CNTN3: variants seen among roughly 807,000 people sequenced by gnomAD.
CNTN3 encodes the protein contactin-3.
A neutral mutation model predicts 119.1 loss-of-function variants in CNTN3; 60 were observed. The ratio of observed to expected loss-of-function variants is 0.50; its 90% CI spans 0.41 to 0.62. The LOEUF (loss-of-function observed/expected upper bound fraction) is 0.62. CNTN3 is among the 20% of genes least tolerant of loss of function. The pLI, the probability that CNTN3 is intolerant of heterozygous loss-of-function variation, is 0.00. For missense variants in CNTN3, 1,101 were observed against 1,242.4 expected (o/e 0.89, Z 1.71); for synonymous variants, 450 against 438.7 (o/e 1.03, Z -0.32).
At chr3:74,265,938 CAT>C (rs950783096) in intron 22 of CNTN3, among the ~76,000 whole-genome samples, 10 of 152,086 alleles carry the variant, frequency 6.6e-5, no homozygotes, top group African/African-American at 2.2e-4. Context: ...CAACTCTAAA[CAT>C]ATAATTTCTA....
At chr3:74,386,566 C>G (rs1486100371) in intron 5 of CNTN3, among the ~76,000 whole-genome samples, 1 of 152,122 alleles carries the variant, frequency 6.6e-6, no homozygotes, top group Non-Finnish European at 1.5e-5. Flanking sequence ...ACAGAAAACA[C>G]ATACACAGAA....
chr3:74,602,219 C>A (rs1301927771), intron 1 of CNTN3, among the ~76,000 whole-genome samples: 1 of 145,172 alleles, frequency 6.9e-6, no homozygotes, highest in Admixed American at 7.2e-5. Context: ...AGCCTTAAGC[C>A]TAGGAGTTCA....
intron 2 of CNTN3, among the ~76,000 whole-genome samples, chr3:74,510,099 T>G (rs899481136): frequency 4.0e-5 from 6 of 151,704 alleles, no homozygotes; most frequent in African/African-American, 1.5e-4. Context: ...GGAATCTCCC[T>G]GGGTCTGTAG....
intron 5 of CNTN3, among the ~76,000 whole-genome samples, chr3:74,390,198 A>T (rs1296668757): frequency 1.3e-5 from 2 of 152,228 alleles, no homozygotes; most frequent in African/African-American, 4.8e-5. Flanking sequence ...CAGTTGACTT[A>T]GGGCTCTAAT....
chr3:74,546,483 G>T (rs1054926230), intron 1 of CNTN3, among the ~76,000 whole-genome samples: 1 of 152,200 alleles, frequency 6.6e-6, no homozygotes, highest in African/African-American at 2.4e-5. Context: ...AATCTAATCA[G>T]CTGCCAGCAC....
At chr3:74,266,695 T>C in intron 21 of CNTN3, 46 bp from the exon 22 acceptor site, 1 of 1,578,374 alleles carries the variant, frequency 6.3e-7, no homozygotes, top group Non-Finnish European at 8.7e-7. Flanking sequence ...TTGCCCATTT[T>C]TGTTTTCTTC....
At chr3:74,433,445 G>A (rs1191562536) in intron 4 of CNTN3, among the ~76,000 whole-genome samples, 1 of 152,178 alleles carries the variant, frequency 6.6e-6, no homozygotes. Flanking sequence ...AGCAGAGACT[G>A]AAGTATTTCG....
chr3:74,493,533 G>C lies in CNTN3; in HGVS notation c.182+6126C>G, dbSNP rs187147933. Among the ~76,000 whole-genome samples, 246 of 152,166 alleles carry C rather than the reference G, an allele frequency of 1.6e-3. 8 individuals are homozygous for C. The East Asian group carries it at 0.032, about 20-fold the overall frequency. ...GAACAAAATAACTTACGAAAATTTG[G>C]GGGGGTCTGGGATTTGGGTTTAGGA... On this transcript the variant is annotated intron_variant, in intron 3 of 22. Transcript: ENST00000263665.
At chr3:74,329,266 A>G (rs898743098) in intron 13 of CNTN3, among the ~76,000 whole-genome samples, 1 of 152,158 alleles carries the variant, frequency 6.6e-6, no homozygotes, top group Non-Finnish European at 1.5e-5. Context: ...AATAAATCAT[A>G]TTGAAGTGAG....
intron 5 of CNTN3, among the ~76,000 whole-genome samples, chr3:74,407,842 T>C (rs998953853): frequency 2.6e-4 from 40 of 152,238 alleles, no homozygotes; most frequent in Non-Finnish European, 1.0e-4. Flanking sequence ...GGGCATCCAT[T>C]GAAAGGTATC....
At chr3:74,553,589 C>T (rs1704025436) in intron 1 of CNTN3, among the ~76,000 whole-genome samples, 1 of 152,184 alleles carries the variant, frequency 6.6e-6, no homozygotes, top group Non-Finnish European at 1.5e-5. Flanking sequence ...ACAACCTCTC[C>T]AGCATCTGTT....
chr3:74,512,581 T>C (rs775533041), intron 2 of CNTN3, among the ~76,000 whole-genome samples: 1 of 150,938 alleles, frequency 6.6e-6, no homozygotes, highest in Non-Finnish European at 1.5e-5. Context: ...AAAAACCCCA[T>C]GAGGCAGAAA....
intron 19 of CNTN3, among the ~76,000 whole-genome samples, chr3:74,290,122 TA>T (rs554666171): frequency 6.6e-4 from 100 of 152,340 alleles, no homozygotes; most frequent in Admixed American, 1.2e-3. Flanking sequence ...ATGACAGGGA[TA>T]CATTCTGAGA....
intron 13 of CNTN3, among the ~76,000 whole-genome samples, chr3:74,320,781 C>T (rs764949615): frequency 5.3e-5 from 8 of 152,064 alleles, no homozygotes; most frequent in Non-Finnish European, 8.8e-5. Context: ...AGTGCACAAC[C>T]TTTAGAGCAC....
intron 1 of CNTN3, among the ~76,000 whole-genome samples, chr3:74,572,536 T>C (rs6776955): frequency 0.8 from 122,229 of 152,094 alleles, 49,262 homozygotes; most frequent in African/African-American, 0.85. Flanking sequence ...CAAAATGGTA[T>C]ACAATATTGT....
intron 1 of CNTN3, among the ~76,000 whole-genome samples, chr3:74,601,605 G>T (rs1161187023): frequency 6.6e-6 from 1 of 152,116 alleles, no homozygotes; most frequent in South Asian, 2.1e-4. Context: ...CTTAATGGAT[G>T]TGAGGTTTGG....
intron 1 of CNTN3, among the ~76,000 whole-genome samples, chr3:74,550,347 G>A (rs781624651): frequency 1.3e-5 from 2 of 152,158 alleles, no homozygotes; most frequent in Non-Finnish European, 2.9e-5. Context: ...AGAAGAGATT[G>A]GTAGATAAAG....
At chr3:74,517,135 T>G (rs1430256740) in intron 2 of CNTN3, among the ~76,000 whole-genome samples, 1 of 151,876 alleles carries the variant, frequency 6.6e-6, no homozygotes, top group East Asian at 1.9e-4. Context: ...CCAGAATCCA[T>G]CTAGGAGAGG....
chr3:74,545,120 C>G (rs543177789), intron 1 of CNTN3, among the ~76,000 whole-genome samples: 86 of 152,116 alleles, frequency 5.7e-4, no homozygotes, highest in African/African-American at 2.0e-3. Flanking sequence ...TTCAAATACC[C>G]TTTGGTATTA....
Sources: gnomAD v4.1 joint callset for allele counts (sites outside exome capture counted in the v4.1 genomes callset) on GRCh38, gnomAD v4.1.1 for gene constraint, MANE v1.5 for transcripts, NCBI Gene and HGNC (gene_info 2026-07-23, HGNC 2026-07-21) for gene names.